The following DDAH1 variants were observed in gnomAD, a reference collection of about 807,000 sequenced individuals.
DDAH1 encodes dimethylarginine dimethylaminohydrolase 1.
Under a neutral mutation model 28.8 loss-of-function variants are expected in DDAH1, and 19 were observed. The observed-to-expected ratio is 0.66, with a 90% CI of 0.46 to 0.97. DDAH1 has a LOEUF of 0.97. Among genes scored for constraint, DDAH1 ranks in the 50% least tolerant of loss-of-function variants. The pLI, the probability that DDAH1 is intolerant of heterozygous loss-of-function variation, is 0.00. For missense variants in DDAH1, 326 were observed against 375.9 expected, an observed-to-expected ratio of 0.87 and a Z score of 1.10; for synonymous variants, 153 against 154.4, an observed-to-expected ratio of 0.99 and a Z score of 0.07.
intron 1 of DDAH1, among the ~76,000 whole-genome samples, chr1:85,403,530 T>C (rs1029683141): frequency 6.6e-6 from 1 of 152,138 alleles, no homozygotes; most frequent in African/African-American, 2.4e-5. Flanking sequence ...ACTTTAAAAA[T>C]AGTCTAAAGT....
intron 1 of DDAH1, among the ~76,000 whole-genome samples, chr1:85,509,137 ACAATATTTGCTGTTCTG>A (rs1345463194): frequency 2.0e-5 from 3 of 152,214 alleles, no homozygotes; most frequent in South Asian, 4.1e-4. Flanking sequence ...GGATCAGGCA[ACAATATTTGCTGTTCTG>A]CAATATTTGC....
intron 4 of DDAH1, among the ~76,000 whole-genome samples, chr1:85,343,165 T>C (rs774466021): frequency 1.7e-4 from 26 of 152,160 alleles, no homozygotes; most frequent in Non-Finnish European, 3.4e-4. Flanking sequence ...TATTCCTTTT[T>C]CCCTTTGACA....
chr1:85,567,891 T>C (rs1659350245), intron 1 of DDAH1, among the ~76,000 whole-genome samples: 1 of 152,190 alleles, frequency 6.6e-6, no homozygotes, highest in Non-Finnish European at 1.5e-5. Context: ...CCACCCACAA[T>C]AGCAGACTAG....
intron 1 of DDAH1, among the ~76,000 whole-genome samples, chr1:85,548,668 C>T (rs1383802470): frequency 6.6e-6 from 1 of 152,080 alleles, no homozygotes; most frequent in Non-Finnish European, 1.5e-5. Flanking sequence ...TAGCTCCAAG[C>T]CAGAAATTCT....
rs368570222 is a variant in DDAH1 at position 85,464,864 on chromosome 1, T to G, written c.182A>C (p.Gln61Pro). The G allele has an allele frequency of 6.3e-7, 1 of 1,585,456 alleles. No homozygotes were observed. The highest frequency in any genetic ancestry group is 8.5e-7 in the Non-Finnish European group (1 of 1,174,292). Residue 61 changes from glutamine to proline, a missense_variant, in exon 1 of 6, where the codon CAG (glutamine) becomes CCG (proline). Gln to Pro is a moderately conservative substitution (Grantham distance 76). Coordinates refer to ENST00000284031, the MANE Select transcript of DDAH1 (RefSeq NM_012137.4). The surrounding 1 kb of genome is among the most constrained non-coding windows in gnomAD (Gnocchi z 4.4). Reference protein sequence around the residue: ...VGVLGSKLGLQVVELPADESL... With the variant: ...VGVLGSKLGLPVVELPADESL... ...CTCGTCGGCCGGCAGCTCCACCACC[T>G]GCAGCCCCAGCTTGCTGCCCAGCAC...
rs557959906 is a variant in DDAH1, at chr1:85,486,210, T to C, written c.-7+9956A>G. Among the ~76,000 whole-genome samples the C allele has an allele frequency of 7.7e-4, 118 of 152,272 alleles. 1 individual carries two copies. Among genetic ancestry groups the C allele is most frequent in the African/African-American group, 2.8e-3 (116 of 41,558 alleles). ...AAATGTGGTTTTCAGGAGATAAGGA[T>C]GAAAATCCACTGGATTGCAAGCTGT... On this transcript the variant is annotated intron_variant, in intron 2 of 6. Transcript: ENST00000426972.
chr1:85,395,338 T>C (rs1651757691), intron 1 of DDAH1, among the ~76,000 whole-genome samples: 1 of 152,144 alleles, frequency 6.6e-6, no homozygotes, highest in Non-Finnish European at 1.5e-5. Context: ...AAAAGAAAAG[T>C]AAATTTTTGC....
intron 2 of DDAH1, among the ~76,000 whole-genome samples, chr1:85,477,909 C>T (rs1204346843): frequency 6.6e-6 from 1 of 151,932 alleles, no homozygotes; most frequent in Middle Eastern, 3.2e-3. Flanking sequence ...ATATGGGCTT[C>T]TATTCTCTAT....
Position 85,350,495 on chromosome 1 carries a change from G to A in DDAH1, c.517C>T (p.His173Tyr), listed in dbSNP as rs1369302721. ...VSTVPVADGL[H>Y]LKSFCSMAGP... is the part of the protein sequence containing the mutation. ...GCCATGCTGCAGAAACTCTTCAAAT[G>A]CAACCCATCTGCCACTGGCACTGTG... The change falls in exon 4 of 6, where the codon CAT becomes TAT. Residue 173 changes from histidine to tyrosine, a missense_variant. His to Tyr is a moderately conservative substitution (Grantham distance 83). Transcript: ENST00000284031. The A allele has an allele frequency of 8.1e-6, 13 of 1,614,126 alleles. No homozygotes were observed. The highest frequency in any genetic ancestry group is 1.0e-5 in the Non-Finnish European group (12 of 1,179,996).
chr1:85,455,318 T>G (rs1283030566), intron 1 of DDAH1, among the ~76,000 whole-genome samples: 1 of 152,208 alleles, frequency 6.6e-6, no homozygotes, highest in Non-Finnish European at 1.5e-5. Context: ...GCACCAAGAT[T>G]AATTCATTAA....
intron 1 of DDAH1, among the ~76,000 whole-genome samples, chr1:85,574,980 C>T (rs1359111885): frequency 6.6e-6 from 1 of 152,082 alleles, no homozygotes; most frequent in Non-Finnish European, 1.5e-5. Context: ...TGGCTCACAC[C>T]TGCAATCTCA....
intron 2 of DDAH1, among the ~76,000 whole-genome samples, chr1:85,480,413 G>A (rs1383341247): frequency 1.3e-5 from 2 of 152,178 alleles, no homozygotes; most frequent in African/African-American, 2.4e-5. Flanking sequence ...TGTGGCTAAC[G>A]ATCTGATTAA....
In DDAH1 at chr1:85,557,046, G is replaced by A. The variant is rs1403564226; in HGVS notation, c.-123+20938C>T. Reference sequence around the variant, plus strand: ...ACAGGAGAATCACTTGAACCCAGGAGGCAGAGGCTGCAGTGAGCCGAGATC... The same window carrying A: ...ACAGGAGAATCACTTGAACCCAGGAAGCAGAGGCTGCAGTGAGCCGAGATC... On this transcript the variant is annotated intron_variant, in intron 1 of 6. Transcript: ENST00000426972. Among the ~76,000 whole-genome samples, 6 of 152,264 alleles carry A rather than the reference G, an allele frequency of 3.9e-5. No individual in the cohort carries two copies. The East Asian group carries it at 9.7e-4, about 25-fold the overall frequency.
chr1:85,572,286 G>A (rs996376563), intron 1 of DDAH1, among the ~76,000 whole-genome samples: 2 of 152,074 alleles, frequency 1.3e-5, no homozygotes, highest in Admixed American at 6.6e-5. Flanking sequence ...GAAAACACAA[G>A]CTAAAGACAC....
chr1:85,328,385 A>G (rs1464286976), intron 4 of DDAH1, among the ~76,000 whole-genome samples: 6 of 152,242 alleles, frequency 3.9e-5, no homozygotes, highest in African/African-American at 1.4e-4. Context: ...TGACTTCTTC[A>G]TAGTAGAGTG....
At chr1:85,512,564 C>G (rs896406673) in intron 1 of DDAH1, among the ~76,000 whole-genome samples, 1 of 152,210 alleles carries the variant, frequency 6.6e-6, no homozygotes, top group Non-Finnish European at 1.5e-5. Flanking sequence ...CAAATTGTTC[C>G]TGTTTGCAGA....
intron 1 of DDAH1, chr1:85,447,809 A>G: frequency 6.6e-6 from 1 of 152,238 alleles, no homozygotes; most frequent in East Asian, 1.9e-4. Flanking sequence ...CTAATCCTTG[A>G]CAGAAACACT....
At position 85,561,438 on chromosome 1, in the gene DDAH1, A is replaced by G. The variant is rs12038870; in HGVS notation, c.-123+16546T>C. 1.0e-3 allele frequency among the ~76,000 whole-genome samples: 155 copies of G among 152,118 alleles called. 1 individual carries two copies. The East Asian group carries it at 0.027, about 27-fold the overall frequency. Reference sequence around the variant, plus strand: ...AGGTTGGTGCAAAAGTAATTGCACCAACCTAATAGAAGAGCTACTTTAGTT... The same window carrying G: ...AGGTTGGTGCAAAAGTAATTGCACCGACCTAATAGAAGAGCTACTTTAGTT... On this transcript the variant is annotated intron_variant, in intron 1 of 6. Coordinates refer to the DDAH1 transcript ENST00000426972.
intron 1 of DDAH1, chr1:85,404,501 CG>C (rs1652311638): frequency 1.4e-6 from 2 of 1,473,288 alleles, no homozygotes; most frequent in Non-Finnish European, 1.8e-6. Context: ...CAGTCTGACC[CG>C]GATTGAGCCA....
Sources: gnomAD v4.1 joint callset for allele counts (sites outside exome capture counted in the v4.1 genomes callset) on GRCh38, gnomAD v4.1.1 for gene constraint, Gnocchi (gnomAD v3.1) non-coding constraint, MANE v1.5 for transcripts, NCBI Gene and HGNC (gene_info 2026-07-23, HGNC 2026-07-21) for gene names.